Variants in R3HCC1L observed in about 807,000 individuals in gnomAD.
R3HCC1L encodes coiled-coil domain-containing protein R3HCC1L.
R3HCC1L carries 51 observed loss-of-function variants against 59.9 expected under a neutral mutation model. The ratio of observed to expected loss-of-function variants is 0.85; its 90% CI spans 0.68 to 1.07. The LOEUF is 1.07. Among genes scored for constraint, R3HCC1L ranks in the 50% least tolerant of loss-of-function variants. The probability of loss-of-function intolerance (pLI) is 0.00; values close to 1 mark genes in which losing one functional copy is unlikely to be tolerated. For missense variants in R3HCC1L, 965 were observed against 933.0 expected, an observed-to-expected ratio of 1.03 and a Z score of -0.45; for synonymous variants, 322 against 315.2, an observed-to-expected ratio of 1.02 and a Z score of -0.23.
intron 4 of R3HCC1L, among the ~76,000 whole-genome samples, chr10:98,205,737 GA>G (rs890337583): frequency 2.6e-5 from 4 of 151,888 alleles, no homozygotes; most frequent in African/African-American, 7.2e-5. Context: ...CATTATTTAA[GA>G]AAAAAAGGTT....
rs189961777 is a variant in R3HCC1L at position 98,232,874 on chromosome 10, C to G, written c.1961+1187C>G. 5.6e-4 allele frequency among the ~76,000 whole-genome samples: 85 copies of G among 152,262 alleles called. 1 individual carries two copies. The Middle Eastern group carries it at 0.014, about 24-fold the overall frequency. ...AAGTGTTCTGTTTTCATATGAAGTT[C>G]TAGAACAGGCAAAACTAGCAGCCAT... On this transcript the variant is annotated intron_variant, in intron 6 of 9. Coordinates refer to ENST00000298999, the MANE Select transcript of R3HCC1L (RefSeq NM_001351015.2).
Position 98,244,117 on chromosome 10 carries a change from C to CG in R3HCC1L, c.2299dup (p.Glu767GlyfsTer18), listed in dbSNP as rs760293072. On this transcript the variant is annotated frameshift_variant, in exon 10 of 10. Transcript: ENST00000298999. LOFTEE classifies it high-confidence loss of function. Reference sequence around the variant, plus strand: ...GAGAAAGCGGTTGGAAGCCAAGCAACGGGAAGACATCTGGGAAGGCAGAGA... The same window carrying CG: ...GAGAAAGCGGTTGGAAGCCAAGCAACGGGGAAGACATCTGGGAAGGCAGAGA... The CG allele has an allele frequency of 1.2e-6, 2 of 1,613,902 alleles. No individual in the cohort carries two copies. Among genetic ancestry groups the CG allele is most frequent in the South Asian group, 2.2e-5 (2 of 91,076 alleles).
chr10:98,216,578 T>C (rs1178914688), intron 5 of R3HCC1L, among the ~76,000 whole-genome samples: 1 of 152,128 alleles, frequency 6.6e-6, no homozygotes, highest in East Asian at 1.9e-4. Flanking sequence ...GTCTGTTTTT[T>C]ATGTGGTGGG....
At chr10:98,236,279 G>T (rs1199246806) in intron 9 of R3HCC1L, 115 bp downstream of exon 9, 9 of 1,353,810 alleles carry the variant, frequency 6.6e-6, no homozygotes, top group Non-Finnish European at 9.1e-6. Context: ...TTTCCTAGAA[G>T]CCTCCTAAGT....
intron 4 of R3HCC1L, among the ~76,000 whole-genome samples, chr10:98,185,159 G>C (rs373770393): frequency 1.3e-5 from 2 of 152,052 alleles, no homozygotes; most frequent in East Asian, 3.8e-4. Flanking sequence ...GATGGTTAAA[G>C]TATCTTTTAA....
chr10:98,187,422 G>A (rs1258324774), intron 4 of R3HCC1L, among the ~76,000 whole-genome samples: 1 of 151,232 alleles, frequency 6.6e-6, no homozygotes, highest in African/African-American at 2.4e-5. Context: ...ATAATCATAG[G>A]TCTCTTAATC....
chr10:98,230,123 T>A (rs1353634491), intron 5 of R3HCC1L, among the ~76,000 whole-genome samples: 4 of 152,352 alleles, frequency 2.6e-5, no homozygotes, highest in East Asian at 1.9e-4. Flanking sequence ...ATTCCCTCTT[T>A]TTCTATTGAT....
At chr10:98,137,053 C>CA (rs1205429708) in intron 1 of R3HCC1L, among the ~76,000 whole-genome samples, 3 of 151,548 alleles carry the variant, frequency 2.0e-5, no homozygotes, top group African/African-American at 7.3e-5. Flanking sequence ...TACTAAAATA[C>CA]AAAAAAAATT....
chr10:98,212,707 C>T (rs2135334866), intron 5 of R3HCC1L, among the ~76,000 whole-genome samples: 1 of 152,234 alleles, frequency 6.6e-6, no homozygotes, highest in South Asian at 2.1e-4. Context: ...ACTTTCATAG[C>T]CCTACTGCCA....
intron 1 of R3HCC1L, among the ~76,000 whole-genome samples, chr10:98,140,304 T>G (rs973377218): frequency 6.6e-6 from 1 of 152,216 alleles, no homozygotes; most frequent in African/African-American, 2.4e-5. Context: ...TCTGCTTGTT[T>G]ATAAATATTA....
chr10:98,239,055 C>G (rs1036499685), intron 9 of R3HCC1L, among the ~76,000 whole-genome samples: 3 of 152,196 alleles, frequency 2.0e-5, no homozygotes, highest in Non-Finnish European at 4.4e-5. Flanking sequence ...ATGGGCAAGT[C>G]AGTTATACTT....
chr10:98,190,276 T>C (rs1009366897), intron 4 of R3HCC1L, among the ~76,000 whole-genome samples: 1 of 152,204 alleles, frequency 6.6e-6, no homozygotes, highest in Non-Finnish European at 1.5e-5. Context: ...GTACTTGTGA[T>C]TGACATTGAA....
In R3HCC1L at chr10:98,203,072, T is replaced by C. The variant is rs141041789; in HGVS notation, c.-14-5029T>C. Among the ~76,000 whole-genome samples the C allele has an allele frequency of 1.9e-4, 29 of 152,312 alleles. No individual in the cohort carries two copies. In the East Asian group the frequency reaches 5.4e-3, roughly 28 times the overall value. On this transcript the variant is annotated intron_variant, in intron 4 of 9. Coordinates refer to ENST00000298999, the MANE Select transcript of R3HCC1L (RefSeq NM_001351015.2). ...TCGCTTGACAAAACTGGATTACTTA[T>C]GTTAAATGAAAGTATTATATTAGTG...
At position 98,208,633 on chromosome 10, in the gene R3HCC1L, TC is replaced by T; in HGVS notation, c.520del (p.Gln174LysfsTer55). On this transcript the variant is annotated frameshift_variant, in exon 5 of 10. Transcript: ENST00000298999. LOFTEE classifies it high-confidence loss of function. ...SQACLEISEA[Q>X]VPSKPFQNVE... ...AGGCCTGTTTAGAAATCAGCGAGGCTCAAGTTCCAAGCAAACCATTCCAAAA... is the reference window on the plus strand; with the variant it reads ...AGGCCTGTTTAGAAATCAGCGAGGCTAAGTTCCAAGCAAACCATTCCAAAA... 6.2e-7 allele frequency: 1 copy of T among 1,614,098 alleles called. No individual in the cohort carries two copies. Among genetic ancestry groups the T allele is most frequent in the South Asian group, 1.1e-5 (1 of 91,076 alleles).
chr10:98,134,926 C>A (rs1261018686), intron 1 of R3HCC1L, among the ~76,000 whole-genome samples: 2 of 152,194 alleles, frequency 1.3e-5, no homozygotes, highest in African/African-American at 4.8e-5. Context: ...GAGGGACCCT[C>A]CCGGGGCTCT....
chr10:98,242,399 A>G (rs1031012418), intron 9 of R3HCC1L, among the ~76,000 whole-genome samples: 14 of 152,176 alleles, frequency 9.2e-5, no homozygotes, highest in African/African-American at 3.4e-4. Context: ...GAAAGGTAAT[A>G]TGGTATCTGT....
At chr10:98,189,503 T>C (rs2182163) in intron 4 of R3HCC1L, among the ~76,000 whole-genome samples, 145,668 of 152,222 alleles carry the variant, frequency 0.96, 70,007 homozygotes, top group East Asian at 1. Flanking sequence ...TCTCTTTAGT[T>C]CAGATATGTT....
rs963730772 is a variant in R3HCC1L at position 98,186,599 on chromosome 10, T to G, written c.-14-21502T>G. Reference sequence around the variant, plus strand: ...TTGCCACTAACAGTTGTGACAAGTTTTATACACAACATTGCTGTGGGTGCC... The same window carrying G: ...TTGCCACTAACAGTTGTGACAAGTTGTATACACAACATTGCTGTGGGTGCC... On this transcript the variant is annotated intron_variant, in intron 4 of 9. Transcript: ENST00000298999. 5.3e-6 allele frequency: 4 copies of G among 755,404 alleles called. No homozygotes were observed. In the South Asian group the frequency reaches 2.4e-4, roughly 45 times the overall value. 46.8% of individuals were successfully genotyped at this position (755,404 alleles called of 1,614,324 possible). A position where few individuals can be genotyped will look rare whatever the true frequency, so the allele number is the denominator to read the frequency against.
chr10:98,174,468 A>G (rs1848801487), intron 4 of R3HCC1L: 1 of 675,882 alleles, frequency 1.5e-6, no homozygotes, highest in Non-Finnish European at 1.8e-6. Flanking sequence ...CAGCATATGA[A>G]AGATACTATC....
Sources: gnomAD v4.1 joint callset for allele counts (sites outside exome capture counted in the v4.1 genomes callset) on GRCh38, gnomAD v4.1.1 for gene constraint, MANE v1.5 for transcripts, NCBI Gene and HGNC (gene_info 2026-07-23, HGNC 2026-07-21) for gene names.